The following MAPK10 variants were observed in gnomAD, a reference collection of about 807,000 sequenced individuals.
The protein encoded by MAPK10 is JNK3 alpha protein kinase.
In MAPK10, 25 loss-of-function variants were observed where a neutral mutation model predicts 59.3. That is an observed-to-expected ratio of 0.42 (90% CI 0.31 to 0.59). The LOEUF is 0.59. Ranked by LOEUF, MAPK10 falls within the 20% of genes least tolerant of loss-of-function variation. The probability of loss-of-function intolerance (pLI) is 0.15; values close to 1 mark genes in which losing one functional copy is unlikely to be tolerated. For synonymous variants in MAPK10, 190 were observed against 200.5 expected (o/e 0.95, Z 0.44); for missense variants, 351 against 568.9 (o/e 0.62, Z 3.90).
intron 11 of MAPK10, among the ~76,000 whole-genome samples, chr4:86,034,733 G>A (rs2039831819): frequency 6.6e-6 from 1 of 152,186 alleles, no homozygotes; most frequent in African/African-American, 2.4e-5. Context: ...ACAGGGTGGA[G>A]AAGTCCTAAC....
chr4:86,148,063 T>C (rs954194192), intron 4 of MAPK10, among the ~76,000 whole-genome samples: 1 of 152,172 alleles, frequency 6.6e-6, no homozygotes, highest in African/African-American at 2.4e-5. Context: ...CTTCAGACTA[T>C]AAGGATGAGA....
At chr4:86,112,352 G>C (rs1243594726) in intron 4 of MAPK10, among the ~76,000 whole-genome samples, 1 of 152,134 alleles carries the variant, frequency 6.6e-6, no homozygotes, top group African/African-American at 2.4e-5. Flanking sequence ...TGGGCACTTA[G>C]AGCTATAAAT....
chr4:86,421,391 A>G (rs926418005), intron 1 of MAPK10, among the ~76,000 whole-genome samples: 26 of 152,200 alleles, frequency 1.7e-4, no homozygotes, highest in African/African-American at 5.8e-4. Context: ...AGCCACTTGG[A>G]AGCAAAGACA....
At chr4:86,377,805 G>A (rs985976478) in intron 1 of MAPK10, among the ~76,000 whole-genome samples, 1 of 152,084 alleles carries the variant, frequency 6.6e-6, no homozygotes, top group Non-Finnish European at 1.5e-5. Context: ...TATATAGTCC[G>A]AGTTCCAAAA....
intron 11 of MAPK10, among the ~76,000 whole-genome samples, chr4:86,052,487 T>G (rs1371194302): frequency 2.6e-5 from 4 of 152,066 alleles, no homozygotes; most frequent in African/African-American, 4.8e-5. Flanking sequence ...TAGAAAATTT[T>G]GGGATGTTTT....
At chr4:86,333,762 A>G (rs1447683028) in intron 2 of MAPK10, among the ~76,000 whole-genome samples, 1 of 152,086 alleles carries the variant, frequency 6.6e-6, no homozygotes, top group Admixed American at 6.6e-5. Context: ...GGGCTCACAT[A>G]TTTTTCATCT....
At chr4:86,260,905 T>C (rs546636585) in intron 2 of MAPK10, among the ~76,000 whole-genome samples, 2 of 152,160 alleles carry the variant, frequency 1.3e-5, no homozygotes, top group Non-Finnish European at 2.9e-5. Context: ...GTGGATGCAA[T>C]GAAGAGATAA....
chr4:86,270,589 A>G (rs1030179982), intron 2 of MAPK10, among the ~76,000 whole-genome samples: 3 of 152,088 alleles, frequency 2.0e-5, no homozygotes, highest in African/African-American at 7.2e-5. Flanking sequence ...ATGATTTCTG[A>G]TATCTACATA....
At chr4:86,589,963 T>A (rs1338582852) in intron 1 of MAPK10, among the ~76,000 whole-genome samples, 5 of 145,040 alleles carry the variant, frequency 3.4e-5, no homozygotes, top group Admixed American at 7.1e-5. Flanking sequence ...CAGCCTGGGC[T>A]ACAGAGCAAG....
At position 86,385,810 on chromosome 4, in the gene MAPK10, T is replaced by C. The variant is rs78179901; in HGVS notation, c.-121-31166A>G. Among the ~76,000 whole-genome samples, 601 of 152,220 alleles carry C rather than the reference T, an allele frequency of 3.9e-3. 6 individuals are homozygous for C. Among genetic ancestry groups the C allele is most frequent in the East Asian group, 0.03 (157 of 5,164 alleles). ...AATCTCTATGATGTCAGGCTGAAAA[T>C]TGACTATAATTTAGTGAAGTGAAAC... On this transcript the variant is annotated intron_variant, in intron 1 of 13. Coordinates refer to the MAPK10 transcript ENST00000361569.
rs528470613 is a variant in MAPK10, at chr4:86,117,638, A to C, written c.237-10286T>G. On this transcript the variant is annotated intron_variant, in intron 4 of 13. Coordinates refer to ENST00000641462, the MANE Select transcript of MAPK10 (RefSeq NM_138982.4). ...TGCAGCTAGCACTCTGGATCCAAGTAAGATCCTGCAGATGCACCTATGAGC... is the reference window on the plus strand; with the variant it reads ...TGCAGCTAGCACTCTGGATCCAAGTCAGATCCTGCAGATGCACCTATGAGC... 3.3e-5 allele frequency: 5 copies of C among 152,358 alleles called. No individual in the cohort carries two copies. In the East Asian group the frequency reaches 9.6e-4, roughly 29 times the overall value. 9.4% of individuals were successfully genotyped at this position (152,358 alleles called of 1,614,324 possible). A position where few individuals can be genotyped will look rare whatever the true frequency, so the allele number is the denominator to read the frequency against.
At chr4:86,194,673 A>G (rs1175064200) in intron 2 of MAPK10, among the ~76,000 whole-genome samples, 1 of 152,094 alleles carries the variant, frequency 6.6e-6, no homozygotes, top group Non-Finnish European at 1.5e-5. Context: ...TAATAATTTA[A>G]AGGGAAATAC....
rs771890649 is a variant in MAPK10 at position 86,064,253 on chromosome 4, G to T, written c.1110+13C>A. ...TGTTTGTGGAAGCAAAGTAAAGGCA[G>T]CCTATTTCTTACCGCCTCCACTTCG... is the stretch of plus-strand genomic sequence containing the variant. On this transcript the variant is annotated intron_variant, in intron 11 of 13. Coordinates refer to ENST00000641462, the MANE Select transcript of MAPK10 (RefSeq NM_138982.4). 12 of 1,613,880 alleles carry T rather than the reference G, an allele frequency of 7.4e-6. No homozygotes were observed. Among genetic ancestry groups the T allele is most frequent in the Non-Finnish European group, 1.0e-5 (12 of 1,179,950 alleles).
At chr4:86,470,750 C>T (rs1347428214) in intron 1 of MAPK10, among the ~76,000 whole-genome samples, 1 of 151,980 alleles carries the variant, frequency 6.6e-6, no homozygotes, top group Admixed American at 6.6e-5. Flanking sequence ...GAATGTATTG[C>T]TTTGCATGTA....
At chr4:86,128,804 C>T (rs1348983039) in intron 4 of MAPK10, among the ~76,000 whole-genome samples, 1 of 152,036 alleles carries the variant, frequency 6.6e-6, no homozygotes, top group African/African-American at 2.4e-5. Flanking sequence ...ACTGACATCA[C>T]TTGCTGTGAT....
At chr4:86,248,384 C>T (rs2093231430) in intron 2 of MAPK10, among the ~76,000 whole-genome samples, 1 of 152,112 alleles carries the variant, frequency 6.6e-6, no homozygotes, top group Non-Finnish European at 1.5e-5. Context: ...GTCAAGAAAA[C>T]TTATCAAGAT....
chr4:86,499,507 C>A (rs1049026446), intron 1 of MAPK10, among the ~76,000 whole-genome samples: 1 of 152,046 alleles, frequency 6.6e-6, no homozygotes, highest in Non-Finnish European at 1.5e-5. Flanking sequence ...CTCCAGGTCA[C>A]GAAACACACT....
chr4:86,203,520 A>G (rs1447132161), intron 2 of MAPK10, among the ~76,000 whole-genome samples: 2 of 151,574 alleles, frequency 1.3e-5, no homozygotes, highest in Non-Finnish European at 3.0e-5. Context: ...AGGAAAAACC[A>G]TGAACTACTA....
chr4:86,158,579 C>G (rs759937901), intron 4 of MAPK10, among the ~76,000 whole-genome samples: 21 of 151,578 alleles, frequency 1.4e-4, no homozygotes, highest in Non-Finnish European at 2.5e-4. Flanking sequence ...TGTGAGCCAT[C>G]AGAAAGATTA....
Sources: allele counts gnomAD v4.1 joint callset (sites outside exome capture counted in the v4.1 genomes callset), GRCh38; gene constraint gnomAD v4.1.1; transcripts MANE v1.5; gene names NCBI Gene and HGNC (gene_info 2026-07-23, HGNC 2026-07-21).